DPT: variants seen among roughly 807,000 people sequenced by gnomAD.
The protein encoded by DPT is dermatopontin, also known as tyrosine-rich acidic matrix protein.
DPT carries 21 observed loss-of-function variants against 31.2 expected under a neutral mutation model. That is an observed-to-expected ratio of 0.67 (90% CI 0.48 to 0.97). The LOEUF is 0.97. Among genes scored for constraint, DPT ranks in the 50% least tolerant of loss-of-function variants. DPT has a pLI of 0.00. For missense variants in DPT, 262 were observed against 258.8 expected, an observed-to-expected ratio of 1.01 and a Z score of -0.08; for synonymous variants, 91 against 86.9, an observed-to-expected ratio of 1.05 and a Z score of -0.26.
chr1:168,705,950 G>A (rs578050889), intron 2 of DPT, among the ~76,000 whole-genome samples: 4 of 152,286 alleles, frequency 2.6e-5, no homozygotes, highest in Admixed American at 2.6e-4. Context: ...ATAAGATGTG[G>A]CTTGCTCCTC....
Position 168,695,639 on chromosome 1 carries a change from A to C in DPT, c.*910T>G, listed in dbSNP as rs982555625. On this transcript the variant is annotated 3_prime_UTR_variant, in exon 4 of 4. Coordinates refer to ENST00000367817, the MANE Select transcript of DPT (RefSeq NM_001937.5). ...CTTTCCCACCAAAAAAATCAGGCCC[A>C]ATCCAGGAGAGTTTGCCAGTAGCTC... 1.3e-5 allele frequency: 2 copies of C among 152,216 alleles called. No individual in the cohort carries two copies. The highest frequency in any genetic ancestry group is 2.1e-4 in the South Asian group (1 of 4,822). 9.4% of individuals were successfully genotyped at this position (152,216 alleles called of 1,614,324 possible).
chr1:168,726,721 G>A (rs1031756323), intron 1 of DPT, among the ~76,000 whole-genome samples: 2 of 152,252 alleles, frequency 1.3e-5, no homozygotes, highest in African/African-American at 4.8e-5. Flanking sequence ...CCTGAGAGGT[G>A]AGGACTGGAG....
chr1:168,714,310 T>A lies in DPT; in HGVS notation c.342A>T (p.Gly114=). Residue 114 remains glycine (G), a synonymous_variant, in exon 2 of 4, where the codon GGA becomes GGT. Transcript: ENST00000367817. Reference sequence around the variant, plus strand: ...CTGACTCGAAGTAGCGGCTCTGGAATCCTGCCACCAGCCCATTGTTGGAGC... The same window carrying A: ...CTGACTCGAAGTAGCGGCTCTGGAAACCTGCCACCAGCCCATTGTTGGAGC... ...QTCSNNGLVA[G]FQSRYFESVL... is the part of the protein sequence containing the mutation. 1.9e-6 allele frequency: 3 copies of A among 1,614,094 alleles called. No homozygotes were observed.
chr1:168,702,090 C>T (rs1015269641), intron 2 of DPT, among the ~76,000 whole-genome samples: 1 of 152,184 alleles, frequency 6.6e-6, no homozygotes, highest in East Asian at 1.9e-4. Context: ...GCCACTGGAA[C>T]CTTCAGGACC....
chr1:168,701,325 C>T lies in DPT; in HGVS notation c.432-201G>A, dbSNP rs1418890695. On this transcript the variant is annotated intron_variant, in intron 2 of 3. Coordinates refer to ENST00000367817, the MANE Select transcript of DPT (RefSeq NM_001937.5). ...CCACTTCTCATCTTCCTTTTCTAGGCCATTAAACTGTGCACTGAAAAAGAT... is the reference window on the plus strand; with the variant it reads ...CCACTTCTCATCTTCCTTTTCTAGGTCATTAAACTGTGCACTGAAAAAGAT... 2.0e-5 allele frequency among the ~76,000 whole-genome samples: 3 copies of T among 152,040 alleles called. No homozygotes were observed. In the East Asian group the frequency reaches 5.8e-4, roughly 29 times the overall value.
At chr1:168,728,704 C>T (rs628718) in intron 1 of DPT, among the ~76,000 whole-genome samples, 166 bp downstream of exon 1, 110,862 of 152,084 alleles carry the variant, frequency 0.73, 41,760 homozygotes, top group African/African-American at 0.86. Context: ...TCATGTAGTC[C>T]GCTCAGCAGC....
chr1:168,702,553 A>C (rs190114290), intron 2 of DPT, among the ~76,000 whole-genome samples: 70 of 152,040 alleles, frequency 4.6e-4, no homozygotes, highest in African/African-American at 1.6e-3. Flanking sequence ...CAAATCCAGA[A>C]ACTTATTTTG....
chr1:168,706,804 C>T (rs571842407), intron 2 of DPT, among the ~76,000 whole-genome samples: 1 of 152,322 alleles, frequency 6.6e-6, no homozygotes, highest in South Asian at 2.1e-4. Context: ...TTCCAAATTG[C>T]TCTCTTGGAA....
At chr1:168,715,211 G>C (rs1275394247) in intron 1 of DPT, among the ~76,000 whole-genome samples, 1 of 152,198 alleles carries the variant, frequency 6.6e-6, no homozygotes, top group African/African-American at 2.4e-5. Context: ...CTGTGCTGCT[G>C]CTGGTCTTCA....
intron 1 of DPT, 87 bp downstream of exon 1, chr1:168,728,783 A>G: frequency 6.6e-7 from 1 of 1,509,854 alleles, no homozygotes; most frequent in South Asian, 1.3e-5. Context: ...TTGGTTACTG[A>G]TATTCCTTGA....
chr1:168,718,842 A>T (rs935894975), intron 1 of DPT, among the ~76,000 whole-genome samples: 1 of 152,212 alleles, frequency 6.6e-6, no homozygotes, highest in Non-Finnish European at 1.5e-5. Flanking sequence ...TTTAGTCTAC[A>T]CAGTAATTAT....
At chr1:168,712,875 A>C (rs1007457478) in intron 2 of DPT, among the ~76,000 whole-genome samples, 3 of 152,162 alleles carry the variant, frequency 2.0e-5, no homozygotes, top group Non-Finnish European at 4.4e-5. Context: ...TAACATGCTA[A>C]GTGCATTTTC....
intron 2 of DPT, among the ~76,000 whole-genome samples, chr1:168,706,982 C>T (rs1478514604): frequency 6.6e-6 from 1 of 152,188 alleles, no homozygotes; most frequent in East Asian, 1.9e-4. Context: ...TAGTTTTATT[C>T]TCTGTTTTCT....
intron 2 of DPT, among the ~76,000 whole-genome samples, chr1:168,701,770 T>C (rs781260437): frequency 3.3e-5 from 5 of 152,188 alleles, no homozygotes; most frequent in Admixed American, 6.5e-5. Context: ...CTAAAACACA[T>C]ACATAATAAA....
chr1:168,712,636 G>A (rs1268493045), intron 2 of DPT, among the ~76,000 whole-genome samples: 2 of 152,142 alleles, frequency 1.3e-5, no homozygotes, highest in Non-Finnish European at 2.9e-5. Flanking sequence ...TTTCATTAGG[G>A]CGCACTCGTC....
At chr1:168,717,549 C>T (rs1042557817) in intron 1 of DPT, among the ~76,000 whole-genome samples, 1 of 152,168 alleles carries the variant, frequency 6.6e-6, no homozygotes, top group African/African-American at 2.4e-5. Flanking sequence ...TGCACATGCT[C>T]TTTAGTTCAA....
intron 2 of DPT, among the ~76,000 whole-genome samples, chr1:168,706,882 A>C (rs930383448): frequency 6.6e-6 from 1 of 152,120 alleles, no homozygotes; most frequent in South Asian, 2.1e-4. Flanking sequence ...ACTCGTGTTG[A>C]TTTTCATTAG....
At position 168,696,462 on chromosome 1, in the gene DPT, A is replaced by G. The variant is rs1649467568; in HGVS notation, c.*87T>C. 3 of 1,176,006 alleles carry G rather than the reference A, an allele frequency of 2.6e-6. No individual in the cohort carries two copies. Among genetic ancestry groups the G allele is most frequent in the Middle Eastern group, 2.0e-4 (1 of 5,110 alleles). The allele number at this position is 1,176,006 out of a possible 1,614,324, so 72.8% of individuals were successfully genotyped here. On this transcript the variant is annotated 3_prime_UTR_variant, in exon 4 of 4. Coordinates refer to ENST00000367817, the MANE Select transcript of DPT (RefSeq NM_001937.5). ...AGGAAAGAGAGCAGCAGAAACTTCT[A>G]TAGGAGATCCAACTGATGTTAACAT...
intron 1 of DPT, among the ~76,000 whole-genome samples, chr1:168,728,019 A>G (rs1650288850): frequency 6.6e-6 from 1 of 152,102 alleles, no homozygotes; most frequent in African/African-American, 2.4e-5. Context: ...GCTGTTGTAA[A>G]TAATCAGCCT....
Sources: gnomAD v4.1 joint callset for allele counts (sites outside exome capture counted in the v4.1 genomes callset) on GRCh38, gnomAD v4.1.1 for gene constraint, MANE v1.5 for transcripts, NCBI Gene and HGNC (gene_info 2026-07-23, HGNC 2026-07-21) for gene names.